Variants in ZNF676 observed in about 807,000 individuals in gnomAD.
ZNF676 encodes the protein zinc finger protein 676.
ZNF676 carries 4 observed loss-of-function variants against 6.0 expected under a neutral mutation model. The ratio of observed to expected loss-of-function variants is 0.67; its 90% CI spans 0.33 to 1.53. The LOEUF (loss-of-function observed/expected upper bound fraction) is 1.53, where lower values mean the gene tolerates loss of function less well. Among genes scored for constraint, ZNF676 ranks in the 40% most tolerant of loss-of-function variants. ZNF676 has a pLI of 0.06. For synonymous variants in ZNF676, 198 were observed against 223.1 expected, an observed-to-expected ratio of 0.89 and a Z score of 1.00; for missense variants, 644 against 679.7, an observed-to-expected ratio of 0.95 and a Z score of 0.58.
rs1195943095 is a variant in ZNF676, at chr19:22,193,047, C to T, written c.99G>A (p.Met33Ile). The T allele has an allele frequency of 1.9e-6, 3 of 1,610,470 alleles. No homozygotes were observed. The highest frequency in any genetic ancestry group is 2.5e-6 in the Non-Finnish European group (3 of 1,178,660). ...FLEQGKEPWN[M>I]KRHEMVEEPP... Reference sequence around the variant, plus strand: ...GTTCTTCCACCATCTCATGTCTCTTCATATTCCAGGGCTCTTTTCCTTGCT... The same window carrying T: ...GTTCTTCCACCATCTCATGTCTCTTTATATTCCAGGGCTCTTTTCCTTGCT... Residue 33 changes from methionine to isoleucine, a missense_variant, in exon 2 of 3, where the codon ATG (methionine) becomes ATA (isoleucine). This residue lies in a region of ZNF676 where 280 missense variants were observed against 269.3 expected (regional missense o/e 1.04). Transcript: ENST00000397121.
chr19:22,193,454 T>G (rs2023933986), intron 1 of ZNF676, among the ~76,000 whole-genome samples: 1 of 152,216 alleles, frequency 6.6e-6, no homozygotes, highest in East Asian at 1.9e-4. Context: ...GAGACCCTTC[T>G]GTGTTTTCTG....
intron 1 of ZNF676, among the ~76,000 whole-genome samples, chr19:22,194,487 G>A (rs1308793660): frequency 6.6e-6 from 1 of 152,144 alleles, no homozygotes; most frequent in Non-Finnish European, 1.5e-5. Flanking sequence ...TCTAAAAGGA[G>A]CCAAGGTTCA....
the ZNF676 span, among the ~76,000 whole-genome samples, chr19:22,229,999 T>C: frequency 6.6e-6 from 1 of 152,180 alleles, no homozygotes; most frequent in Non-Finnish European, 1.5e-5. Flanking sequence ...CATTACTGGG[T>C]ATATACCCGA....
At chr19:22,221,811 T>C in the ZNF676 span, among the ~76,000 whole-genome samples, 2 of 152,156 alleles carry the variant, frequency 1.3e-5, no homozygotes, top group Non-Finnish European at 2.9e-5. Context: ...AAGAATGTTT[T>C]ATGTGCTGAT....
At chr19:22,200,230 A>T (rs184984485), upstream of ZNF676, among the ~76,000 whole-genome samples, 1,358 of 151,566 alleles carry the variant, frequency 9.0e-3, 19 homozygotes, top group African/African-American at 0.029. Context: ...TAAGAAATTT[A>T]AAAAAAAATC....
chr19:22,232,257 T>C, the ZNF676 span, among the ~76,000 whole-genome samples: 12 of 152,102 alleles, frequency 7.9e-5, no homozygotes, highest in African/African-American at 2.7e-4. Context: ...AACTTCCACC[T>C]CCCAGGTTCA....
At chr19:22,245,573 G>A in the ZNF676 span, among the ~76,000 whole-genome samples, 1 of 149,998 alleles carries the variant, frequency 6.7e-6, no homozygotes, top group African/African-American at 2.5e-5. Flanking sequence ...GTTATGGTCA[G>A]GGACATGTCA....
At position 22,188,736 on chromosome 19, in the gene ZNF676, G is replaced by C. The variant is rs1012005227; in HGVS notation, c.130+4280C>G. ...CCAATAATAGAGAGCCAAATCATGA[G>C]TGAACTCCCATTTACAATTGCTACA... On this transcript the variant is annotated intron_variant, in intron 2 of 2. Transcript: ENST00000397121. Among the ~76,000 whole-genome samples the C allele has an allele frequency of 4.4e-4, 67 of 152,058 alleles. 1 individual carries two copies. The highest frequency in any genetic ancestry group is 4.4e-3 in the Admixed American group (67 of 15,254).
intron 2 of ZNF676, among the ~76,000 whole-genome samples, chr19:22,184,827 A>G (rs1447474322): frequency 5.7e-5 from 1 of 17,490 alleles, no homozygotes; most frequent in South Asian, 4.1e-3. Flanking sequence ...GGCATCTTTG[A>G]AAAAAAAAAA....
chr19:22,208,932 C>A (rs1305496378), intron 1 of ZNF676, among the ~76,000 whole-genome samples: 2 of 151,766 alleles, frequency 1.3e-5, no homozygotes, highest in African/African-American at 4.8e-5. Flanking sequence ...GAAAGTGAGA[C>A]CCTGTCTCCA....
the ZNF676 span, among the ~76,000 whole-genome samples, chr19:22,258,128 G>A: frequency 1.3e-5 from 2 of 151,914 alleles, no homozygotes; most frequent in South Asian, 4.2e-4. Flanking sequence ...GCTGGGCTTA[G>A]TAATAAGTCA....
the ZNF676 span, among the ~76,000 whole-genome samples, chr19:22,236,649 G>A: frequency 3.3e-5 from 5 of 152,110 alleles, no homozygotes; most frequent in African/African-American, 1.2e-4. Flanking sequence ...CTGTAAACTG[G>A]CTCAAGTCTG....
chr19:22,191,229 A>C (rs940797247), intron 2 of ZNF676, among the ~76,000 whole-genome samples: 1 of 152,150 alleles, frequency 6.6e-6, no homozygotes, highest in African/African-American at 2.4e-5. Context: ...AAGATTGAGG[A>C]GCACCCTTTT....
the ZNF676 span, among the ~76,000 whole-genome samples, chr19:22,246,443 A>G: frequency 6.6e-6 from 1 of 152,124 alleles, no homozygotes; most frequent in Non-Finnish European, 1.5e-5. Context: ...AGAGTCCAGG[A>G]AGGGGAGTCA....
rs758932467 is a variant in ZNF676, at chr19:22,180,234, G to A, written c.1483C>T (p.His495Tyr). The A allele has an allele frequency of 1.2e-5, 19 of 1,613,786 alleles. No homozygotes were observed. The highest frequency in any genetic ancestry group is 1.6e-5 in the Non-Finnish European group (19 of 1,179,910). ...GFSTFSILTK[H>Y]KIIHTGEKRY... ...TTCTCTCCAGTATGAATTATCTTAT[G>A]TTTAGTAAGGATTGAGAACGTACTA... Residue 495 changes from histidine to tyrosine, a missense_variant, in exon 3 of 3, where the codon CAT becomes TAT. By Grantham distance (83) the His-to-Tyr change is moderately conservative (BLOSUM62 2). Coordinates refer to ENST00000397121, the MANE Select transcript of ZNF676 (RefSeq NM_001001411.3).
chr19:22,221,785 T>G, the ZNF676 span, among the ~76,000 whole-genome samples: 8 of 152,190 alleles, frequency 5.3e-5, no homozygotes, highest in East Asian at 1.5e-3. Flanking sequence ...TTTGGCCTAT[T>G]ATATGGTCTA....
At chr19:22,203,352 T>C (rs1024142053) in intron 1 of ZNF676, 3 of 153,592 alleles carry the variant, frequency 2.0e-5, no homozygotes, top group Non-Finnish European at 2.9e-5. Flanking sequence ...GGAATACTAA[T>C]AGGGCTTCTG....
chr19:22,202,936 A>C (rs182510917), intron 1 of ZNF676, among the ~76,000 whole-genome samples: 3 of 152,180 alleles, frequency 2.0e-5, no homozygotes, highest in African/African-American at 7.2e-5. Context: ...GGCTATTTAC[A>C]TTTTAAAGCA....
intron 2 of ZNF676, among the ~76,000 whole-genome samples, chr19:22,183,226 G>C (rs1482007084): frequency 2.6e-5 from 4 of 152,038 alleles, no homozygotes; most frequent in Non-Finnish European, 4.4e-5. Context: ...GGGACAAGAT[G>C]AAAGAATTAA....
Sources: gnomAD v4.1 joint callset for allele counts (sites outside exome capture counted in the v4.1 genomes callset) on GRCh38, gnomAD v4.1.1 for gene constraint, gnomAD v4.1.1 regional missense constraint, MANE v1.5 for transcripts, NCBI Gene and HGNC (gene_info 2026-07-23, HGNC 2026-07-21) for gene names.